TMEM218: variants seen among roughly 807,000 people sequenced by gnomAD.
TMEM218 encodes the protein transmembrane protein 218.
TMEM218 carries 8 observed loss-of-function variants against 10.0 expected under a neutral mutation model. The observed-to-expected ratio is 0.80, with a 90% CI of 0.47 to 1.44. TMEM218 has a LOEUF of 1.44. Among genes scored for constraint, TMEM218 ranks in the 40% most tolerant of loss-of-function variants. The probability of loss-of-function intolerance (pLI) is 0.00; values close to 1 mark genes in which losing one functional copy is unlikely to be tolerated. For synonymous variants in TMEM218, 66 were observed against 63.5 expected (o/e 1.04, Z -0.18); for missense variants, 110 against 140.1 (o/e 0.79, Z 1.08).
At position 125,095,193 on chromosome 11, in the gene TMEM218, C is replaced by A. The variant is rs965669486; in HGVS notation, c.*2413G>T. Among the ~76,000 whole-genome samples the A allele has an allele frequency of 1.5e-4, 23 of 152,180 alleles. No homozygotes were observed. The highest frequency in any genetic ancestry group is 2.8e-4 in the Non-Finnish European group (19 of 68,040). On this transcript the variant is annotated 3_prime_UTR_variant, in exon 5 of 5. Coordinates refer to ENST00000682305, the MANE Select transcript of TMEM218 (RefSeq NM_001258244.2). ...TAACCTATTTTCTTATATAGAAACC[C>A]AGATTTACTCTCCCTCTCCACCTTC... is the stretch of plus-strand genomic sequence containing the variant.
chr11:125,102,269 G>T lies in TMEM218; in HGVS notation c.-28C>A. On this transcript the variant is annotated 5_prime_UTR_variant, in exon 3 of 5. Transcript: ENST00000682305. ...CGCGGGGAGGCAGCGGCGGCCCCCC[G>T]CCCTGCGCGCCGCACGATCGAGTGT... 6.2e-7 allele frequency: 1 copy of T among 1,606,166 alleles called. No individual in the cohort carries two copies. The highest frequency in any genetic ancestry group is 8.5e-7 in the Non-Finnish European group (1 of 1,177,166).
intron 4 of TMEM218, among the ~76,000 whole-genome samples, chr11:125,100,034 A>G (rs1950438244): frequency 6.6e-6 from 1 of 152,070 alleles, no homozygotes; most frequent in Non-Finnish European, 1.5e-5. Context: ...ACTTGTGTCC[A>G]TGGAAATAAT....
At chr11:125,106,624 C>A (rs1424031897) in intron 1 of TMEM218, among the ~76,000 whole-genome samples, 1 of 152,172 alleles carries the variant, frequency 6.6e-6, no homozygotes, top group Non-Finnish European at 1.5e-5. Flanking sequence ...CAAATTAAAA[C>A]CAAATTCAGT....
chr11:125,102,108 T>C, intron 3 of TMEM218, 24 bp downstream of exon 3: 1 of 1,522,136 alleles, frequency 6.6e-7, no homozygotes, highest in Non-Finnish European at 8.8e-7. Context: ...TACCTAGGAC[T>C]CCCAGTTGGA....
chr11:125,097,783 C>A (rs746309085), intron 4 of TMEM218, 43 bp from the exon 5 acceptor site: 2 of 1,592,292 alleles, frequency 1.3e-6, no homozygotes, highest in South Asian at 1.1e-5. Flanking sequence ...ACCAGTTAGA[C>A]ACCCTGGCTG....
intron 1 of TMEM218, chr11:125,104,033 A>G (rs748402390): frequency 6.6e-6 from 1 of 152,252 alleles, no homozygotes; most frequent in Non-Finnish European, 1.5e-5. Context: ...CTCAAGGTCT[A>G]TTGGAGAACA....
chr11:125,107,815 A>C (rs897498549), intron 1 of TMEM218, among the ~76,000 whole-genome samples: 27 of 150,302 alleles, frequency 1.8e-4, no homozygotes, highest in African/African-American at 5.9e-4. Context: ...ATATATATAT[A>C]TCTGCATAAA....
At chr11:125,102,361 T>C in intron 2 of TMEM218, 44 bp from the exon 3 acceptor site, 1 of 1,531,556 alleles carries the variant, frequency 6.5e-7, no homozygotes, top group Non-Finnish European at 8.7e-7. Flanking sequence ...CCTAAACTCA[T>C]TACAGGTTAT....
chr11:125,101,026 G>A (rs1950637175), intron 4 of TMEM218, among the ~76,000 whole-genome samples, 175 bp downstream of exon 4: 1 of 152,192 alleles, frequency 6.6e-6, no homozygotes, highest in Non-Finnish European at 1.5e-5. Context: ...TTTCCTGAGT[G>A]AAGGGGCAGG....
chr11:125,102,820 AGG>A lies in TMEM218; in HGVS notation c.-152-13_-152-12del. 1.4e-6 allele frequency: 1 copy of A among 731,140 alleles called. No homozygotes were observed. The highest frequency in any genetic ancestry group is 1.9e-6 in the Non-Finnish European group (1 of 512,878). The allele number at this position is 731,140 out of a possible 1,614,324, so 45.3% of individuals were successfully genotyped here. A position where few individuals can be genotyped will look rare whatever the true frequency, so the allele number is the denominator to read the frequency against. On this transcript the variant is annotated splice_polypyrimidine_tract_variant and intron_variant, in intron 1 of 4. Transcript: ENST00000682305. ...TGAAAACTCCCAGTCCTTAAAGAAG[AGG>A]AACAGCCATCACTATTTTTGAACAT...
intron 3 of TMEM218, chr11:125,101,566 G>A (rs1052321871): frequency 7.3e-7 from 1 of 1,361,008 alleles, no homozygotes; most frequent in African/African-American, 1.5e-5. Flanking sequence ...TCTGCCCAAA[G>A]TCATAATCAA....
chr11:125,108,088 G>A lies in TMEM218; in HGVS notation c.-153+3451C>T, dbSNP rs1039618904. Among the ~76,000 whole-genome samples, 1 of 152,126 alleles carries A rather than the reference G, an allele frequency of 6.6e-6. No homozygotes were observed. The highest frequency in any genetic ancestry group is 2.4e-5 in the African/African-American group (1 of 41,434). ...AAACGGATCCTAAATTCATATGGAA[G>A]AGCAAAAACCCAAGAATAGCCAAAA... On this transcript the variant is annotated intron_variant, in intron 1 of 4. Coordinates refer to ENST00000682305, the MANE Select transcript of TMEM218 (RefSeq NM_001258244.2). This position sits in a 1 kb window ranked among gnomAD's most constrained non-coding sequence, Gnocchi z 5.3.
rs1238748848 is a variant in TMEM218, at chr11:125,105,887, A to G, written c.-152-3078T>C. Among the ~76,000 whole-genome samples, 5 of 152,248 alleles carry G rather than the reference A, an allele frequency of 3.3e-5. No individual in the cohort carries two copies. In the East Asian group the frequency reaches 9.6e-4, roughly 29 times the overall value. The stretch of plus-strand genomic sequence containing the variant: ...AATAAGATTGTAAAAATAAACCCAA[A>G]TACAACAGTAATCATAGTACATGGA... On this transcript the variant is annotated intron_variant, in intron 1 of 4. Coordinates refer to ENST00000682305, the MANE Select transcript of TMEM218 (RefSeq NM_001258244.2).
At chr11:125,101,759 G>A in intron 3 of TMEM218, 1 of 490,558 alleles carries the variant, frequency 2.0e-6, no homozygotes, top group Non-Finnish European at 3.5e-6. Flanking sequence ...TAGAAAGCAG[G>A]CCCAACTCAT....
chr11:125,101,276 A>G lies in TMEM218; in HGVS notation c.138T>C (p.Gly46=), dbSNP rs776133777. ...ACAGAACTGATGTGATGATCACAGC[A>G]CCGAAGAATAAAAAAATGACAGAGA... is the stretch of plus-strand genomic sequence containing the variant. The part of the protein sequence containing the change: ...ARFSVIFLFF[G]AVIITSVLLL... Residue 46 remains glycine (G), a synonymous_variant, in exon 4 of 5, where the codon GGT becomes GGC. Coordinates refer to ENST00000682305, the MANE Select transcript of TMEM218 (RefSeq NM_001258244.2). 4 of 1,613,304 alleles carry G rather than the reference A, an allele frequency of 2.5e-6. No homozygotes were observed. The highest frequency in any genetic ancestry group is 4.5e-5 in the East Asian group (2 of 44,870).
chr11:125,107,629 G>A (rs956212525), intron 1 of TMEM218, among the ~76,000 whole-genome samples: 1 of 152,074 alleles, frequency 6.6e-6, no homozygotes, highest in Non-Finnish European at 1.5e-5. Flanking sequence ...AGGGTTTCTA[G>A]GAGCTTTCTA....
rs1004322345 is a variant in TMEM218 at position 125,106,533 on chromosome 11, A to G, written c.-152-3724T>C. ...GATAGATCAAGCAGATAAAAAAAGAATAAACACTTGAGAAAGAGGATACCT... is the reference window on the plus strand; with the variant it reads ...GATAGATCAAGCAGATAAAAAAAGAGTAAACACTTGAGAAAGAGGATACCT... On this transcript the variant is annotated intron_variant, in intron 1 of 4. Coordinates refer to ENST00000682305, the MANE Select transcript of TMEM218 (RefSeq NM_001258244.2). 4.6e-5 allele frequency among the ~76,000 whole-genome samples: 7 copies of G among 152,242 alleles called. 1 individual carries two copies. Among genetic ancestry groups the G allele is most frequent in the Admixed American group, 3.3e-4 (5 of 15,282 alleles).
At chr11:125,106,688 T>C (rs1056966116) in intron 1 of TMEM218, among the ~76,000 whole-genome samples, 43 of 152,164 alleles carry the variant, frequency 2.8e-4, no homozygotes, top group African/African-American at 1.0e-3. Flanking sequence ...CAACAGCAAG[T>C]GTTGACAAAG....
At position 125,101,183 on chromosome 11, in the gene TMEM218, C is replaced by G; in HGVS notation, c.213+18G>C. 1.2e-6 allele frequency: 2 copies of G among 1,608,738 alleles called. No individual in the cohort carries two copies. Among genetic ancestry groups the G allele is most frequent in the South Asian group, 1.1e-5 (1 of 90,692 alleles). ...AAGAATCACAGCTCAGGAGGCAAAA[C>G]GAAAGCAACAGCTTTACCTTAACTT... On this transcript the variant is annotated intron_variant, in intron 4 of 4. Transcript: ENST00000682305.
Sources: allele counts gnomAD v4.1 joint callset (sites outside exome capture counted in the v4.1 genomes callset), GRCh38; gene constraint gnomAD v4.1.1; non-coding constraint Gnocchi (gnomAD v3.1); transcripts MANE v1.5; gene names NCBI Gene and HGNC (gene_info 2026-07-23, HGNC 2026-07-21).